Variants in CHD2 observed in about 807,000 individuals in gnomAD.
The protein encoded by CHD2 is ATP-dependent chromatin remodeler CHD2.
A neutral mutation model predicts 243.9 loss-of-function variants in CHD2; 28 were observed. The ratio of observed to expected loss-of-function variants is 0.11; its 90% CI spans 0.09 to 0.16. CHD2 has a LOEUF of 0.16. Ranked by LOEUF, CHD2 falls within the 10% of genes least tolerant of loss-of-function variation. The probability of loss-of-function intolerance (pLI) is 1.00; values close to 1 mark genes in which losing one functional copy is unlikely to be tolerated. For synonymous variants in CHD2, 775 were observed against 779.0 expected (o/e 0.99, Z 0.09); for missense variants, 1,386 against 2,209.8 (o/e 0.63, Z 7.47).
chr15:92,905,111 A>G, intron 2 of CHD2: 1 of 964,834 alleles, frequency 1.0e-6, no homozygotes, highest in Non-Finnish European at 1.5e-6. Flanking sequence ...GGCAGAATAC[A>G]GCGTTAGGCA....
chr15:92,955,324 T>G, intron 14 of CHD2, 99 bp from the exon 15 acceptor site: 3 of 657,598 alleles, frequency 4.6e-6, no homozygotes, highest in East Asian at 3.3e-5. Flanking sequence ...TCAGATTTAT[T>G]TTTTATTTGG....
chr15:93,025,553 G>A lies in CHD2; in HGVS notation c.*848G>A, dbSNP rs1486467719. ...TGGGGAGTAGGCTGAGTGAGGGGTA[G>A]GGTGGGGTAGGTGGGGAGTAGTGTG... On this transcript the variant is annotated 3_prime_UTR_variant, in exon 39 of 39. Transcript: ENST00000394196. The A allele has an allele frequency of 6.5e-6, 1 of 152,722 alleles. No homozygotes were observed. The highest frequency in any genetic ancestry group is 2.4e-5 in the African/African-American group (1 of 41,450). 9.5% of individuals were successfully genotyped at this position (152,722 alleles called of 1,614,324 possible). A position where few individuals can be genotyped will look rare whatever the true frequency, so the allele number is the denominator to read the frequency against.
At chr15:92,992,677 G>T (rs1203305424) in intron 27 of CHD2, among the ~76,000 whole-genome samples, 182 bp from the exon 28 acceptor site, 1 of 152,200 alleles carries the variant, frequency 6.6e-6, no homozygotes, top group Non-Finnish European at 1.5e-5. Context: ...GATGGAAAAT[G>T]AATGTGTTAG....
At chr15:92,993,448 T>G (rs2054146984) in intron 28 of CHD2, among the ~76,000 whole-genome samples, 1 of 152,188 alleles carries the variant, frequency 6.6e-6, no homozygotes, top group South Asian at 2.1e-4. Flanking sequence ...ATCGTAAACA[T>G]TTTTGGGTTA....
At chr15:92,907,908 A>G (rs1314661297) in intron 2 of CHD2, among the ~76,000 whole-genome samples, 3 of 151,628 alleles carry the variant, frequency 2.0e-5, no homozygotes, top group Admixed American at 1.3e-4. Flanking sequence ...GAGTTTGTTT[A>G]GGCCAGTTAC....
At chr15:92,953,672 A>AT in intron 14 of CHD2, 99 bp downstream of exon 14, 2 of 1,075,702 alleles carry the variant, frequency 1.9e-6, no homozygotes, top group Non-Finnish European at 2.8e-6. Context: ...ATTTGTGGTT[A>AT]TTATTCTGAT....
intron 34 of CHD2, among the ~76,000 whole-genome samples, chr15:93,007,566 A>C (rs1400266188): frequency 6.6e-6 from 1 of 152,124 alleles, no homozygotes; most frequent in Non-Finnish European, 1.5e-5. Flanking sequence ...AGTGATGGGG[A>C]ATTTGTAGAG....
intron 38 of CHD2, chr15:93,021,216 C>T (rs937844622): frequency 2.0e-5 from 3 of 152,070 alleles, no homozygotes; most frequent in Non-Finnish European, 4.4e-5. Context: ...TCTTTCAGTG[C>T]TTTAAAGATG....
intron 13 of CHD2, among the ~76,000 whole-genome samples, chr15:92,951,482 A>G (rs1461012622): frequency 1.3e-5 from 2 of 152,132 alleles, no homozygotes; most frequent in Admixed American, 6.5e-5. Flanking sequence ...GCATTTTTTT[A>G]CTTTAAACCA....
intron 24 of CHD2, among the ~76,000 whole-genome samples, chr15:92,982,307 T>C (rs893536425): frequency 3.3e-5 from 5 of 152,072 alleles, no homozygotes; most frequent in African/African-American, 1.2e-4. Flanking sequence ...GTAAAGTAAG[T>C]GAGGTGTTTG....
chr15:92,996,013 T>C (rs752318168), intron 28 of CHD2, among the ~76,000 whole-genome samples: 5 of 152,192 alleles, frequency 3.3e-5, no homozygotes, highest in Non-Finnish European at 7.3e-5. Context: ...AAAGTGTCTA[T>C]TCATGTGTGC....
chr15:92,929,469 C>CA (rs1398947091), intron 5 of CHD2, among the ~76,000 whole-genome samples: 1 of 152,048 alleles, frequency 6.6e-6, no homozygotes, highest in African/African-American at 2.4e-5. Flanking sequence ...ATTTTTATGG[C>CA]AAAATTATAT....
At chr15:93,007,373 C>CT (rs1431663751) in intron 34 of CHD2, among the ~76,000 whole-genome samples, 6 of 152,180 alleles carry the variant, frequency 3.9e-5, no homozygotes, top group Admixed American at 3.9e-4. Flanking sequence ...AATAATTTAT[C>CT]TTTCTTACCT....
At chr15:92,948,586 C>T (rs771167947) in intron 12 of CHD2, among the ~76,000 whole-genome samples, 4 of 152,174 alleles carry the variant, frequency 2.6e-5, no homozygotes, top group African/African-American at 4.8e-5. Flanking sequence ...GTAATCCCAG[C>T]ACTCTGGGAG....
At chr15:92,921,432 C>T (rs1240743185) in intron 2 of CHD2, 1 of 152,170 alleles carries the variant, frequency 6.6e-6, no homozygotes, top group Non-Finnish European at 1.5e-5. Flanking sequence ...CTTCAGCTGC[C>T]TTTGCTATGG....
chr15:92,911,580 A>T (rs1280153688), intron 2 of CHD2, among the ~76,000 whole-genome samples: 1 of 152,156 alleles, frequency 6.6e-6, no homozygotes, highest in Non-Finnish European at 1.5e-5. Flanking sequence ...TCTACTAAAA[A>T]TACAAAAATT....
rs142783991 is a variant in CHD2, at chr15:92,911,960, T to C, written c.62+10661T>C. Reference sequence around the variant, plus strand: ...AGGCCATGACTCTACATCAAAAGATTCTAGTTAAAATGTTGCCCTGAAGTG... The same window carrying C: ...AGGCCATGACTCTACATCAAAAGATCCTAGTTAAAATGTTGCCCTGAAGTG... On this transcript the variant is annotated intron_variant, in intron 2 of 38. Transcript: ENST00000394196. 8.1e-3 allele frequency among the ~76,000 whole-genome samples: 1,234 copies of C among 152,272 alleles called. 54 individuals are homozygous for C. The highest frequency in any genetic ancestry group is 0.069 in the Admixed American group (1,060 of 15,296).
chr15:92,926,338 A>C (rs2053061296), intron 3 of CHD2, among the ~76,000 whole-genome samples: 1 of 152,130 alleles, frequency 6.6e-6, no homozygotes, highest in Non-Finnish European at 1.5e-5. Flanking sequence ...ACTTTTCCAA[A>C]TATTCTCATG....
At chr15:92,902,212 G>T (rs901057833) in intron 2 of CHD2, 1 of 397,752 alleles carries the variant, frequency 2.5e-6, no homozygotes, top group Non-Finnish European at 4.4e-6. Context: ...GCTTAAAAAT[G>T]TACTGTTTGT....
Sources: allele counts gnomAD v4.1 joint callset (sites outside exome capture counted in the v4.1 genomes callset), GRCh38; gene constraint gnomAD v4.1.1; transcripts MANE v1.5; gene names NCBI Gene and HGNC (gene_info 2026-07-23, HGNC 2026-07-21).